Variants in KLRK1 observed in about 807,000 individuals in gnomAD.
The protein encoded by KLRK1 is NKG2-D type II integral membrane protein.
A neutral mutation model predicts 31.3 loss-of-function variants in KLRK1; 40 were observed. That is an observed-to-expected ratio of 1.28 (90% CI 0.99 to 1.67). KLRK1 has a LOEUF of 1.67. Ranked by LOEUF, KLRK1 falls within the 40% of genes most tolerant of loss-of-function variation. KLRK1 has a pLI of 0.00. For synonymous variants in KLRK1, 77 were observed against 77.3 expected, an observed-to-expected ratio of 1.00 and a Z score of 0.02; for missense variants, 251 against 260.0, an observed-to-expected ratio of 0.97 and a Z score of 0.24.
chr12:10,378,640 C>G lies in KLRK1; in HGVS notation c.343G>C (p.Asp115His). 1 of 1,609,502 alleles carries G rather than the reference C, an allele frequency of 6.2e-7. No individual in the cohort carries two copies. Among genetic ancestry groups the G allele is most frequent in the Non-Finnish European group, 8.5e-7 (1 of 1,178,980 alleles). Residue 115 changes from aspartate (D) to histidine (H), a missense_variant, in exon 6 of 8, where the codon GAT (aspartate) becomes CAT (histidine). By Grantham distance (81) the Asp-to-His change is moderately conservative. Coordinates refer to ENST00000240618, the MANE Select transcript of KLRK1 (RefSeq NM_007360.4). ...CYKNNCYQFF[D>H]ESKNWYESQA... The stretch of plus-strand genomic sequence containing the variant: ...CTCTCATACCAGTTTTTACTCTCAT[C>G]AAAAAATTGGTAGCAGTTATTTTTG...
intron 7 of KLRK1, among the ~76,000 whole-genome samples, chr12:10,373,779 TTTAA>T (rs1862907255): frequency 6.6e-6 from 1 of 152,192 alleles, no homozygotes; most frequent in Non-Finnish European, 1.5e-5. Context: ...CTCTGGCATC[TTTAA>T]TCTTTTGGAG....
chr12:10,376,297 T>TAACA (rs35866334), intron 7 of KLRK1, among the ~76,000 whole-genome samples: 87,366 of 151,566 alleles, frequency 0.58, 27,479 homozygotes, highest in Non-Finnish European at 0.71. Flanking sequence ...GTCTAGTCCA[T>TAACA]AACACTGATG....
intron 3 of KLRK1, among the ~76,000 whole-genome samples, chr12:10,382,412 C>A (rs1025408778): frequency 6.6e-6 from 1 of 152,100 alleles, no homozygotes; most frequent in African/African-American, 2.4e-5. Context: ...TTAGCAGAAA[C>A]TTTATAGGCC....
chr12:10,384,045 T>TAATC (rs1323930431), intron 3 of KLRK1, among the ~76,000 whole-genome samples: 1 of 151,996 alleles, frequency 6.6e-6, no homozygotes, highest in African/African-American at 2.4e-5. Flanking sequence ...GGAATAAATT[T>TAATC]AATCACACAA....
intron 3 of KLRK1, among the ~76,000 whole-genome samples, chr12:10,380,068 T>G (rs1863043519): frequency 7.3e-6 from 1 of 136,686 alleles, no homozygotes. Context: ...TGTTTTTTTT[T>G]TTTTTTTTTT....
intron 3 of KLRK1, among the ~76,000 whole-genome samples, chr12:10,384,740 A>T (rs1326831935): frequency 3.3e-5 from 5 of 152,096 alleles, no homozygotes; most frequent in African/African-American, 1.2e-4. Flanking sequence ...GCAAAAAGAA[A>T]CAAATGAGAT....
At position 10,385,367 on chromosome 12, in the gene KLRK1, G is replaced by GACACACACACACACACACACAC. The variant is rs3055416; in HGVS notation, c.148+1514_148+1535dup. Among the ~76,000 whole-genome samples the GACACACACACACACACACACAC allele has an allele frequency of 4.7e-3, 681 of 145,796 alleles. 10 individuals are homozygous for GACACACACACACACACACACAC. Among genetic ancestry groups the GACACACACACACACACACACAC allele is most frequent in the African/African-American group, 0.016 (627 of 38,948 alleles). ...ACAGATAAATAGCTAAGCACACACA[G>GACACACACACACACACACACAC]ACACACACACACACACACACACACA... On this transcript the variant is annotated intron_variant, in intron 3 of 7. Coordinates refer to ENST00000240618, the MANE Select transcript of KLRK1 (RefSeq NM_007360.4).
intron 3 of KLRK1, among the ~76,000 whole-genome samples, chr12:10,384,130 C>T (rs913698296): frequency 2.0e-5 from 3 of 151,942 alleles, no homozygotes; most frequent in African/African-American, 7.2e-5. Context: ...AATGGAAAGA[C>T]ATCTCATGTT....
At chr12:10,378,493 A>C in intron 6 of KLRK1, 61 bp downstream of exon 6, 1 of 1,592,336 alleles carries the variant, frequency 6.3e-7, no homozygotes, top group Non-Finnish European at 8.5e-7. Context: ...TTCATATTCC[A>C]GTGAGTTGTC....
chr12:10,377,787 A>G (rs1432332142), intron 7 of KLRK1, among the ~76,000 whole-genome samples: 1 of 152,242 alleles, frequency 6.6e-6, no homozygotes, highest in Non-Finnish European at 1.5e-5. Flanking sequence ...GCAATTTATT[A>G]TATGTTAATT....
intron 7 of KLRK1, among the ~76,000 whole-genome samples, chr12:10,377,692 A>T (rs1026430361): frequency 8.5e-5 from 13 of 152,228 alleles, no homozygotes; most frequent in Non-Finnish European, 1.9e-4. Context: ...CAGGTAATTT[A>T]TATGTTAACT....
chr12:10,378,419 A>G (rs1423941091), intron 6 of KLRK1, 135 bp downstream of exon 6: 13 of 1,440,988 alleles, frequency 9.0e-6, no homozygotes, highest in South Asian at 3.9e-5. Flanking sequence ...GTTATTTTCA[A>G]TGAAGAAAGA....
chr12:10,378,512 T>C (rs753521319), intron 6 of KLRK1, 42 bp downstream of exon 6: 10 of 1,601,226 alleles, frequency 6.2e-6, no homozygotes, highest in Non-Finnish European at 8.5e-6. Context: ...TCTCAGATGT[T>C]AGGATTAAAT....
Position 10,388,820 on chromosome 12 carries a change from A to C in KLRK1, c.-10T>G. The C allele has an allele frequency of 6.2e-7, 1 of 1,613,978 alleles. No homozygotes were observed. Among genetic ancestry groups the C allele is most frequent in the South Asian group, 1.1e-5 (1 of 91,080 alleles). ...CACGAATCCACCCCATCAAATACTT[A>C]TAAGTGCACGTCTACCGCAGAGAGG... On this transcript the variant is annotated 5_prime_UTR_variant, in exon 2 of 8. Coordinates refer to ENST00000240618, the MANE Select transcript of KLRK1 (RefSeq NM_007360.4).
rs1862898992 is a variant in KLRK1 at position 10,373,368 on chromosome 12, T to C, written c.534-137A>G. On this transcript the variant is annotated intron_variant, in intron 7 of 7. Coordinates refer to ENST00000240618, the MANE Select transcript of KLRK1 (RefSeq NM_007360.4). Reference sequence around the variant, plus strand: ...ATTATGGACCATGCCTGGTCCTAATTCATAAACAAAATATAGCCAACTCAG... The same window carrying C: ...ATTATGGACCATGCCTGGTCCTAATCCATAAACAAAATATAGCCAACTCAG... 7 of 582,608 alleles carry C rather than the reference T, an allele frequency of 1.2e-5. No homozygotes were observed. In the South Asian group the frequency reaches 2.1e-4, roughly 18 times the overall value. The allele number at this position is 582,608 out of a possible 1,614,324, so 36.1% of individuals were successfully genotyped here. A position where few individuals can be genotyped will look rare whatever the true frequency, so the allele number is the denominator to read the frequency against.
chr12:10,382,774 A>C (rs1355309739), intron 3 of KLRK1, among the ~76,000 whole-genome samples: 1 of 152,230 alleles, frequency 6.6e-6, no homozygotes, highest in Non-Finnish European at 1.5e-5. Flanking sequence ...AATAATAGTA[A>C]TTACAATTTA....
chr12:10,387,126 T>A lies in KLRK1; in HGVS notation c.41-116A>T, dbSNP rs1863180674. The A allele has an allele frequency of 1.1e-5, 7 of 657,288 alleles. No individual in the cohort carries two copies. In the East Asian group the frequency reaches 2.0e-4, roughly 19 times the overall value. 40.7% of individuals were successfully genotyped at this position (657,288 alleles called of 1,614,324 possible). On this transcript the variant is annotated intron_variant, in intron 2 of 7. Coordinates refer to ENST00000240618, the MANE Select transcript of KLRK1 (RefSeq NM_007360.4). ...ATGTACTTCCCCTGACTATCCTTTTTAAAGTACAACATGAACTTACTTTTG... is the reference window on the plus strand; with the variant it reads ...ATGTACTTCCCCTGACTATCCTTTTAAAAGTACAACATGAACTTACTTTTG...
intron 7 of KLRK1, among the ~76,000 whole-genome samples, chr12:10,375,614 T>C (rs1862950239): frequency 6.6e-6 from 1 of 152,172 alleles, no homozygotes; most frequent in Middle Eastern, 3.2e-3. Flanking sequence ...ATTATAATAT[T>C]TACAATCTAG....
chr12:10,378,543 A>G lies in KLRK1; in HGVS notation c.429+11T>C. On this transcript the variant is annotated intron_variant, in intron 6 of 7. Coordinates refer to ENST00000240618, the MANE Select transcript of KLRK1 (RefSeq NM_007360.4). ...TAAATACAGGATGGGAAATTAAAAT[A>G]AATACTCAACCTGGTCCTCTTTGCT... 3 of 1,607,696 alleles carry G rather than the reference A, an allele frequency of 1.9e-6. No homozygotes were observed. Among genetic ancestry groups the G allele is most frequent in the Non-Finnish European group, 2.5e-6 (3 of 1,178,728 alleles).
Sources: gnomAD v4.1 joint callset for allele counts (sites outside exome capture counted in the v4.1 genomes callset) on GRCh38, gnomAD v4.1.1 for gene constraint, MANE v1.5 for transcripts, NCBI Gene and HGNC (gene_info 2026-07-23, HGNC 2026-07-21) for gene names.